CTNNA3: variants seen among roughly 807,000 people sequenced by gnomAD.
CTNNA3 encodes the protein catenin alpha-3.
Under a neutral mutation model 95.7 loss-of-function variants are expected in CTNNA3, and 76 were observed. That is an observed-to-expected ratio of 0.79 (90% CI 0.66 to 0.96). The LOEUF is 0.96. CTNNA3 is among the 40% of genes least tolerant of loss of function. The probability of loss-of-function intolerance (pLI) is 0.00; values close to 1 mark genes in which losing one functional copy is unlikely to be tolerated. For missense variants in CTNNA3, 1,191 were observed against 1,089.8 expected (o/e 1.09, Z -1.31); for synonymous variants, 431 against 374.4 (o/e 1.15, Z -1.74).
At chr10:66,703,553 G>GT (rs999810500) in intron 9 of CTNNA3, among the ~76,000 whole-genome samples, 59 of 152,222 alleles carry the variant, frequency 3.9e-4, no homozygotes, top group African/African-American at 1.2e-3. Context: ...TGAGCCTCTG[G>GT]TATAAATGTT....
chr10:67,664,099 T>C (rs1840268760), intron 1 of CTNNA3, among the ~76,000 whole-genome samples: 1 of 152,244 alleles, frequency 6.6e-6, no homozygotes, highest in Non-Finnish European at 1.5e-5. Context: ...GCTAATCCCA[T>C]TTACAACAAT....
chr10:67,602,966 C>T (rs565768326), intron 3 of CTNNA3, among the ~76,000 whole-genome samples: 3 of 152,236 alleles, frequency 2.0e-5, no homozygotes, highest in South Asian at 2.1e-4. Flanking sequence ...ATTTAACAAA[C>T]GTTTAACAGG....
chr10:66,759,362 C>T (rs1214896127), intron 9 of CTNNA3, among the ~76,000 whole-genome samples: 1 of 152,126 alleles, frequency 6.6e-6, no homozygotes, highest in Non-Finnish European at 1.5e-5. Flanking sequence ...AAGTGTTTTT[C>T]CTAAGAACAC....
At chr10:66,681,553 T>C (rs1847068818) in intron 9 of CTNNA3, among the ~76,000 whole-genome samples, 2 of 152,276 alleles carry the variant, frequency 1.3e-5, no homozygotes, top group South Asian at 4.1e-4. Context: ...AGTCCTGGCC[T>C]AAATAAAGTG....
chr10:66,882,543 A>G (rs1844888703), intron 7 of CTNNA3, among the ~76,000 whole-genome samples: 1 of 152,164 alleles, frequency 6.6e-6, no homozygotes, highest in South Asian at 2.1e-4. Context: ...AGAGCATGAA[A>G]GATGCTTACA....
At chr10:66,594,431 G>C (rs751794876) in intron 10 of CTNNA3, among the ~76,000 whole-genome samples, 1 of 152,024 alleles carries the variant, frequency 6.6e-6, no homozygotes, top group Non-Finnish European at 1.5e-5. Flanking sequence ...TTTTACTGCA[G>C]TACCCTTAGA....
intron 10 of CTNNA3, among the ~76,000 whole-genome samples, chr10:66,562,880 C>G (rs1842595897): frequency 6.6e-6 from 1 of 151,980 alleles, no homozygotes; most frequent in Non-Finnish European, 1.5e-5. Context: ...ACAGTTCATC[C>G]TAACTCCAAC....
intron 12 of CTNNA3, among the ~76,000 whole-genome samples, chr10:66,361,776 A>G (rs370588182): frequency 4.6e-5 from 7 of 152,074 alleles, no homozygotes; most frequent in African/African-American, 1.7e-4. Flanking sequence ...GGGTTCAAGT[A>G]ATCCTCCTTC....
At chr10:66,600,335 TTCAG>T (rs1358533965) in intron 10 of CTNNA3, among the ~76,000 whole-genome samples, 3 of 151,958 alleles carry the variant, frequency 2.0e-5, no homozygotes, top group Admixed American at 6.6e-5. Context: ...ATTTTTAAAA[TTCAG>T]TCAAATTGTT....
intron 5 of CTNNA3, among the ~76,000 whole-genome samples, chr10:67,239,099 A>G (rs956303416): frequency 2.6e-5 from 4 of 152,210 alleles, no homozygotes; most frequent in Non-Finnish European, 4.4e-5. Context: ...AAATTAAACT[A>G]TAACTATCTT....
intron 13 of CTNNA3, among the ~76,000 whole-genome samples, chr10:66,275,404 C>T (rs778231150): frequency 5.3e-5 from 8 of 152,170 alleles, no homozygotes; most frequent in Non-Finnish European, 1.0e-4. Flanking sequence ...CTGAACTTGG[C>T]CCTAATTTGC....
chr10:66,108,046 T>C (rs1359223909), intron 13 of CTNNA3, among the ~76,000 whole-genome samples: 2 of 152,050 alleles, frequency 1.3e-5, no homozygotes, highest in Non-Finnish European at 2.9e-5. Flanking sequence ...AAACATGCTA[T>C]GAATGTCCAT....
chr10:67,347,576 T>A (rs1842474458), intron 5 of CTNNA3, among the ~76,000 whole-genome samples: 2 of 152,190 alleles, frequency 1.3e-5, no homozygotes, highest in Admixed American at 1.3e-4. Flanking sequence ...CCTTGTAGAA[T>A]TTGAGTCTGC....
At chr10:66,572,768 G>C (rs1250865509) in intron 10 of CTNNA3, among the ~76,000 whole-genome samples, 1 of 152,104 alleles carries the variant, frequency 6.6e-6, no homozygotes, top group Non-Finnish European at 1.5e-5. Flanking sequence ...AGAGAGGAGA[G>C]AAAATAGACT....
At chr10:67,679,087 C>A (rs933567705) in intron 1 of CTNNA3, among the ~76,000 whole-genome samples, 4 of 152,024 alleles carry the variant, frequency 2.6e-5, no homozygotes, top group Non-Finnish European at 4.4e-5. Flanking sequence ...AATTGATAAA[C>A]GAGAAAGGAG....
intron 5 of CTNNA3, among the ~76,000 whole-genome samples, chr10:67,391,978 T>C (rs1844510812): frequency 6.6e-6 from 1 of 151,314 alleles, no homozygotes; most frequent in African/African-American, 2.4e-5. Context: ...GCATTACCAT[T>C]CAGGACATAG....
intron 8 of CTNNA3, among the ~76,000 whole-genome samples, 169 bp downstream of exon 8, chr10:66,775,275 A>G (rs1840246958): frequency 6.6e-6 from 1 of 152,224 alleles, no homozygotes; most frequent in Middle Eastern, 3.2e-3. Flanking sequence ...ATTTGCCACA[A>G]AAAACATTTG....
At chr10:66,989,563 C>T (rs1850928038) in intron 7 of CTNNA3, among the ~76,000 whole-genome samples, 2 of 152,038 alleles carry the variant, frequency 1.3e-5, no homozygotes, top group African/African-American at 2.4e-5. Flanking sequence ...ACTCAAATAT[C>T]CATGTTAGCT....
In CTNNA3 at chr10:66,991,898, G is replaced by T. The variant is rs149917021; in HGVS notation, c.1047+188419C>A. Among the ~76,000 whole-genome samples, 476 of 152,158 alleles carry T rather than the reference G, an allele frequency of 3.1e-3. 2 individuals are homozygous for T. The highest frequency in any genetic ancestry group is 5.5e-3 in the Non-Finnish European group (374 of 67,996). ...ACCAAAGAAATCTCATTCTAGAAAAGAAGGCCATCTATTCACCACTCCTGT... is the reference window on the plus strand; with the variant it reads ...ACCAAAGAAATCTCATTCTAGAAAATAAGGCCATCTATTCACCACTCCTGT... On this transcript the variant is annotated intron_variant, in intron 7 of 17. Coordinates refer to ENST00000433211, the MANE Select transcript of CTNNA3 (RefSeq NM_013266.4).
Sources: gnomAD v4.1 joint callset for allele counts (sites outside exome capture counted in the v4.1 genomes callset) on GRCh38, gnomAD v4.1.1 for gene constraint, MANE v1.5 for transcripts, NCBI Gene and HGNC (gene_info 2026-07-23, HGNC 2026-07-21) for gene names.